DACH1: variants seen among roughly 807,000 people sequenced by gnomAD.
DACH1 encodes the protein dachshund homolog 1.
DACH1 carries 12 observed loss-of-function variants against 54.2 expected under a neutral mutation model. The ratio of observed to expected loss-of-function variants is 0.22; its 90% CI spans 0.14 to 0.36. DACH1 has a LOEUF of 0.36. DACH1 is among the 10% of genes least tolerant of loss of function. The pLI, the probability that DACH1 is intolerant of heterozygous loss-of-function variation, is 1.00. For missense variants in DACH1, 805 were observed against 929.8 expected, an observed-to-expected ratio of 0.87 and a Z score of 1.75; for synonymous variants, 386 against 366.2, an observed-to-expected ratio of 1.05 and a Z score of -0.62.
At chr13:71,820,949 G>A (rs964039170) in intron 1 of DACH1, among the ~76,000 whole-genome samples, 1 of 152,106 alleles carries the variant, frequency 6.6e-6, no homozygotes, top group Admixed American at 6.5e-5. Context: ...AAAACCCAAA[G>A]TACAACCTTA....
At chr13:71,676,762 C>T (rs752110359) in intron 2 of DACH1, among the ~76,000 whole-genome samples, 7 of 151,914 alleles carry the variant, frequency 4.6e-5, no homozygotes, top group African/African-American at 1.5e-4. Context: ...AATATTGCCC[C>T]GGTCCAGTAT....
At chr13:71,705,219 C>T (rs1375971465) in intron 1 of DACH1, among the ~76,000 whole-genome samples, 1 of 152,154 alleles carries the variant, frequency 6.6e-6, no homozygotes, top group African/African-American at 2.4e-5. Context: ...TGTCATAAAT[C>T]TTGGACTTCG....
At chr13:71,747,682 T>A (rs1345928811) in intron 1 of DACH1, among the ~76,000 whole-genome samples, 1 of 152,188 alleles carries the variant, frequency 6.6e-6, no homozygotes, top group Non-Finnish European at 1.5e-5. Flanking sequence ...TCTGTGAGTT[T>A]CCTCACTACA....
At chr13:71,443,209 G>C (rs923294619) in intron 10 of DACH1, among the ~76,000 whole-genome samples, 1 of 151,712 alleles carries the variant, frequency 6.6e-6, no homozygotes, top group African/African-American at 2.4e-5. Context: ...ATGCTAATAA[G>C]TTGTGTCAGA....
At chr13:71,527,574 C>A (rs1258358019) in intron 6 of DACH1, among the ~76,000 whole-genome samples, 1 of 152,130 alleles carries the variant, frequency 6.6e-6, no homozygotes, top group African/African-American at 2.4e-5. Flanking sequence ...TCTTCCGTAT[C>A]GGTCCTTCAT....
intron 3 of DACH1, among the ~76,000 whole-genome samples, chr13:71,598,590 T>C (rs1874280425): frequency 2.6e-5 from 4 of 152,172 alleles, no homozygotes; most frequent in Admixed American, 2.6e-4. Flanking sequence ...TCTTTTGTGA[T>C]GTAGAAAATG....
chr13:71,484,053 A>G (rs983375432), intron 7 of DACH1, among the ~76,000 whole-genome samples: 1 of 151,862 alleles, frequency 6.6e-6, no homozygotes, highest in East Asian at 1.9e-4. Context: ...ATTCTTTTTC[A>G]TTTTCTTCCC....
intron 3 of DACH1, among the ~76,000 whole-genome samples, chr13:71,604,266 A>G (rs1420858884): frequency 6.6e-6 from 1 of 152,028 alleles, no homozygotes; most frequent in African/African-American, 2.4e-5. Flanking sequence ...ACCTAAGCAC[A>G]TATTTACTAT....
intron 2 of DACH1, among the ~76,000 whole-genome samples, chr13:71,651,725 T>C (rs141607726): frequency 0.019 from 2,834 of 152,062 alleles, 91 homozygotes; most frequent in African/African-American, 0.064. Flanking sequence ...TATGTATATG[T>C]GTGTATATAT....
At chr13:71,614,325 ATAT>A (rs1427094569) in intron 3 of DACH1, among the ~76,000 whole-genome samples, 1 of 152,172 alleles carries the variant, frequency 6.6e-6, no homozygotes, top group Non-Finnish European at 1.5e-5. Flanking sequence ...AATCCAATAA[ATAT>A]TATTATTCTG....
chr13:71,547,422 C>T (rs1372199197), intron 6 of DACH1, among the ~76,000 whole-genome samples: 1 of 152,058 alleles, frequency 6.6e-6, no homozygotes, highest in Non-Finnish European at 1.5e-5. Flanking sequence ...TTTTCAGCTT[C>T]ATCTGTCAAT....
At position 71,866,037 on chromosome 13, in the gene DACH1, C is replaced by A. The variant is rs1273768139; in HGVS notation, c.733G>T (p.Val245Leu). 2 of 1,613,840 alleles carry A rather than the reference C, an allele frequency of 1.2e-6. No individual in the cohort carries two copies. Among genetic ancestry groups the A allele is most frequent in the Admixed American group, 1.7e-5 (1 of 60,004 alleles). ...CCCCTCAGGATGCGAACTTGTTCCACATTGCACACCACCGGCGTGATCTCC... is the reference window on the plus strand; with the variant it reads ...CCCCTCAGGATGCGAACTTGTTCCAAATTGCACACCACCGGCGTGATCTCC... ...RLEITPVVCN[V>L]EQVRILRGLG... is the part of the protein sequence containing the mutation. The change falls in exon 1 of 11, where the codon GTG becomes TTG. Residue 245 changes from valine to leucine, a missense_variant. Physicochemically the swap from Val to Leu is conservative, Grantham distance 32. This residue lies in a region of DACH1 where 28 missense variants were observed against 75.7 expected (regional missense o/e 0.37). Transcript: ENST00000613252.
At chr13:71,683,318 C>T (rs545726733) in intron 1 of DACH1, among the ~76,000 whole-genome samples, 99 of 152,024 alleles carry the variant, frequency 6.5e-4, no homozygotes, top group Admixed American at 6.6e-4. Context: ...GATGATGATA[C>T]TACCATGTCA....
chr13:71,498,765 C>A (rs1201212762), intron 6 of DACH1, among the ~76,000 whole-genome samples: 2 of 151,942 alleles, frequency 1.3e-5, no homozygotes, highest in Non-Finnish European at 2.9e-5. Context: ...AGGATAACAG[C>A]TCAAGAAAAT....
intron 6 of DACH1, among the ~76,000 whole-genome samples, chr13:71,519,750 C>G (rs1881430916): frequency 6.7e-6 from 1 of 149,568 alleles, no homozygotes. Flanking sequence ...AAAATGAATT[C>G]TAAAGTTTTC....
chr13:71,527,872 TAA>T (rs71198119), intron 6 of DACH1, among the ~76,000 whole-genome samples: 4 of 148,794 alleles, frequency 2.7e-5, no homozygotes, highest in Non-Finnish European at 6.0e-5. Flanking sequence ...AAGTTACTAA[TAA>T]AAAAAAAATG....
At position 71,866,321 on chromosome 13, in the gene DACH1, C is replaced by A; in HGVS notation, c.449G>T (p.Ser150Ile). The change falls in exon 1 of 11, where the codon AGC becomes ATC. Residue 150 changes from serine (S) to isoleucine (I), a missense_variant. By Grantham distance (142) the Ser-to-Ile change is moderately radical (BLOSUM62 -2). This residue lies in a region of DACH1 where 305 missense variants were observed against 308.7 expected (regional missense o/e 0.99). Transcript: ENST00000613252. ...GCTGCTGCTGCTACTACTGCTGCTGCTGCTGCTGCTGCTACTGCTGCTGCT... is the reference window on the plus strand; with the variant it reads ...GCTGCTGCTGCTACTACTGCTGCTGATGCTGCTGCTGCTACTGCTGCTGCT... ...SSSSSSSSSS[S>I]SSSSSSSSSS... 10 of 1,545,362 alleles carry A rather than the reference C, an allele frequency of 6.5e-6. No homozygotes were observed. Among genetic ancestry groups the A allele is most frequent in the Non-Finnish European group, 7.9e-6 (9 of 1,145,850 alleles).
intron 2 of DACH1, among the ~76,000 whole-genome samples, chr13:71,670,690 G>T (rs1880155212): frequency 6.6e-6 from 1 of 152,006 alleles, no homozygotes; most frequent in Non-Finnish European, 1.5e-5. Flanking sequence ...CAATGGAGTT[G>T]ATTTGAGCAA....
intron 1 of DACH1, among the ~76,000 whole-genome samples, chr13:71,711,643 T>C (rs778961311): frequency 1.8e-4 from 28 of 152,010 alleles, no homozygotes; most frequent in Non-Finnish European, 3.7e-4. Context: ...CCAGAATTAA[T>C]TTTTTTTAAA....
Sources: gnomAD v4.1 joint callset for allele counts (sites outside exome capture counted in the v4.1 genomes callset) on GRCh38, gnomAD v4.1.1 for gene constraint, gnomAD v4.1.1 regional missense constraint, MANE v1.5 for transcripts, NCBI Gene and HGNC (gene_info 2026-07-23, HGNC 2026-07-21) for gene names.